KCNH5: variants seen among roughly 807,000 people sequenced by gnomAD.
The protein encoded by KCNH5 is potassium voltage-gated channel subfamily H member 5, also known as voltage-gated delayed rectifier potassium channel KCNH5.
In KCNH5, 46 loss-of-function variants were observed where a neutral mutation model predicts 96.1. The observed-to-expected ratio is 0.48, with a 90% CI of 0.38 to 0.61. The LOEUF (loss-of-function observed/expected upper bound fraction) is 0.61. Ranked by LOEUF, KCNH5 falls within the 20% of genes least tolerant of loss-of-function variation. KCNH5 has a pLI of 0.00. For missense variants in KCNH5, 907 were observed against 1,225.8 expected (o/e 0.74, Z 3.88); for synonymous variants, 439 against 449.8 (o/e 0.98, Z 0.30).
At chr14:62,722,314 C>T (rs1884832790) in intron 10 of KCNH5, among the ~76,000 whole-genome samples, 1 of 152,056 alleles carries the variant, frequency 6.6e-6, no homozygotes, top group East Asian at 1.9e-4. Context: ...AATAAAATTC[C>T]CAGGATTAGG....
At chr14:62,777,023 AT>A (rs1425687440) in intron 10 of KCNH5, among the ~76,000 whole-genome samples, 1 of 152,228 alleles carries the variant, frequency 6.6e-6, no homozygotes, top group Non-Finnish European at 1.5e-5. Context: ...TATGATAGCT[AT>A]GAGATATCAA....
At chr14:62,880,808 G>A (rs1287661351) in intron 7 of KCNH5, among the ~76,000 whole-genome samples, 2 of 152,096 alleles carry the variant, frequency 1.3e-5, no homozygotes, top group African/African-American at 2.4e-5. Flanking sequence ...ATTTAGTATA[G>A]TATTTATTCA....
intron 10 of KCNH5, among the ~76,000 whole-genome samples, chr14:62,746,720 A>G: frequency 6.6e-6 from 1 of 152,240 alleles, no homozygotes; most frequent in East Asian, 1.9e-4. Context: ...TACCTTTACT[A>G]TGAAATGTCA....
rs111982252 is a variant in KCNH5, at chr14:62,936,500, C to T, written c.1369+13633G>A. ...GACCAGCCTAGGCAACATGGTGAACCCTGTCTTTACCAAAAAATACAAAAA... is the reference window on the plus strand; with the variant it reads ...GACCAGCCTAGGCAACATGGTGAACTCTGTCTTTACCAAAAAATACAAAAA... On this transcript the variant is annotated intron_variant, in intron 7 of 10. Coordinates refer to ENST00000322893, the MANE Select transcript of KCNH5 (RefSeq NM_139318.5). Among the ~76,000 whole-genome samples the T allele has an allele frequency of 7.7e-3, 1,163 of 151,372 alleles. 11 individuals carry two copies. The highest frequency in any genetic ancestry group is 0.027 in the African/African-American group (1,124 of 41,232).
At chr14:62,967,563 A>G (rs541326877) in intron 6 of KCNH5, among the ~76,000 whole-genome samples, 1 of 152,284 alleles carries the variant, frequency 6.6e-6, no homozygotes, top group African/African-American at 2.4e-5. Flanking sequence ...AAGAAATTCA[A>G]TACAAAGACA....
At chr14:63,032,393 G>A (rs568869302) in intron 1 of KCNH5, among the ~76,000 whole-genome samples, 6 of 152,104 alleles carry the variant, frequency 3.9e-5, no homozygotes, top group South Asian at 2.1e-4. Context: ...GCAGGCAGTC[G>A]CAGCTTCAAG....
intron 5 of KCNH5, among the ~76,000 whole-genome samples, chr14:62,981,689 C>T (rs1305899817): frequency 1.3e-5 from 2 of 152,304 alleles, no homozygotes; most frequent in South Asian, 2.1e-4. Flanking sequence ...CGCTGGACCC[C>T]GGCATCCCAC....
At chr14:62,855,740 A>G (rs1410976756) in intron 7 of KCNH5, among the ~76,000 whole-genome samples, 1 of 152,170 alleles carries the variant, frequency 6.6e-6, no homozygotes, top group African/African-American at 2.4e-5. Context: ...ATGCCTTTTT[A>G]TAATATGAAC....
Position 62,707,836 on chromosome 14 carries a change from T to C in KCNH5, c.2639A>G (p.Glu880Gly). 6.2e-7 allele frequency: 1 copy of C among 1,614,146 alleles called. No homozygotes were observed. The highest frequency in any genetic ancestry group is 2.2e-5 in the East Asian group (1 of 44,866). ...KSDLRLDKAGEARSPLEHSPI... is the reference protein window; with the variant it reads ...KSDLRLDKAGGARSPLEHSPI... ...ACTGTGCTCTAGCGGACTTCGGGCC[T>C]CCCCAGCCTTATCCAAACGAAGGTC... Residue 880 changes from glutamate (E) to glycine (G), a missense_variant, in exon 11 of 11, where the codon GAG (glutamate) becomes GGG (glycine). Glu to Gly is a moderately conservative substitution (Grantham distance 98). Transcript: ENST00000322893.
At chr14:62,834,803 G>A (rs375497509) in intron 8 of KCNH5, among the ~76,000 whole-genome samples, 37 of 151,850 alleles carry the variant, frequency 2.4e-4, no homozygotes, top group African/African-American at 6.3e-4. Flanking sequence ...AAATTAATAC[G>A]TCCACAAATA....
chr14:62,965,179 G>A (rs537771704), intron 6 of KCNH5, among the ~76,000 whole-genome samples: 5 of 151,982 alleles, frequency 3.3e-5, no homozygotes, highest in Non-Finnish European at 5.9e-5. Context: ...TTCTTATGTC[G>A]TTGCTGTAGT....
intron 10 of KCNH5, among the ~76,000 whole-genome samples, chr14:62,709,143 G>A (rs189120175): frequency 0.029 from 4,213 of 147,318 alleles, 108 homozygotes; most frequent in Non-Finnish European, 0.042. Flanking sequence ...TGAGGCAGGA[G>A]AATGGCGTGA....
intron 8 of KCNH5, among the ~76,000 whole-genome samples, chr14:62,804,160 C>G (rs1033552982): frequency 1.8e-4 from 28 of 152,046 alleles, no homozygotes; most frequent in Admixed American, 6.6e-5. Flanking sequence ...TTTCTTAATG[C>G]TCTACATACA....
intron 1 of KCNH5, among the ~76,000 whole-genome samples, chr14:63,020,617 A>G (rs1891408172): frequency 6.6e-6 from 1 of 152,158 alleles, no homozygotes; most frequent in Non-Finnish European, 1.5e-5. Context: ...GATAGGGACC[A>G]GAACAATGAT....
chr14:62,721,082 T>A (rs1280095807), intron 10 of KCNH5, among the ~76,000 whole-genome samples: 2 of 152,186 alleles, frequency 1.3e-5, no homozygotes, highest in Non-Finnish European at 2.9e-5. Context: ...TATTATTCTC[T>A]TAGTCAGCTA....
intron 8 of KCNH5, among the ~76,000 whole-genome samples, chr14:62,810,458 C>A (rs1305019570): frequency 6.6e-6 from 1 of 152,046 alleles, no homozygotes; most frequent in Non-Finnish European, 1.5e-5. Flanking sequence ...CTGGGCTACA[C>A]TTCCAGAGAG....
intron 10 of KCNH5, among the ~76,000 whole-genome samples, chr14:62,751,379 T>C (rs1263853954): frequency 6.6e-6 from 1 of 152,208 alleles, no homozygotes; most frequent in African/African-American, 2.4e-5. Context: ...TTAATATTCT[T>C]ACCTGCCATG....
Position 62,708,081 on chromosome 14 carries a change from G to C in KCNH5, c.2394C>G (p.Asn798Lys), listed in dbSNP as rs1317109121. The change falls in exon 11 of 11, where the codon AAC becomes AAG. Residue 798 changes from asparagine (N) to lysine (K), a missense_variant. Transcript: ENST00000322893. ...GGADQKCLKV[N>K]SPIRMKNGNG... is the part of the protein sequence containing the mutation. ...TTCCATTCTTCATTCTTATTGGGCT[G>C]TTGACTTTGAGACATTTTTGGTCAG... 3 of 1,614,206 alleles carry C rather than the reference G, an allele frequency of 1.9e-6. No homozygotes were observed. The highest frequency in any genetic ancestry group is 2.5e-6 in the Non-Finnish European group (3 of 1,180,048).
At chr14:63,028,345 A>G (rs1197686667) in intron 1 of KCNH5, among the ~76,000 whole-genome samples, 1 of 152,136 alleles carries the variant, frequency 6.6e-6, no homozygotes, top group Non-Finnish European at 1.5e-5. Context: ...TCTGTGTAGT[A>G]ACAAAATTAA....
Sources: allele counts gnomAD v4.1 joint callset (sites outside exome capture counted in the v4.1 genomes callset), GRCh38; gene constraint gnomAD v4.1.1; transcripts MANE v1.5; gene names NCBI Gene and HGNC (gene_info 2026-07-23, HGNC 2026-07-21).